ANP32E: variants seen among roughly 807,000 people sequenced by gnomAD.
ANP32E encodes acidic nuclear phosphoprotein 32 family member E.
Under a neutral mutation model 35.3 loss-of-function variants are expected in ANP32E, and 14 were observed. The ratio of observed to expected loss-of-function variants is 0.40; its 90% CI spans 0.26 to 0.62. The LOEUF (loss-of-function observed/expected upper bound fraction) is 0.62, where lower values mean the gene tolerates loss of function less well. Ranked by LOEUF, ANP32E falls within the 20% of genes least tolerant of loss-of-function variation. The probability of loss-of-function intolerance (pLI) is 0.45; values close to 1 mark genes in which losing one functional copy is unlikely to be tolerated. For synonymous variants in ANP32E, 89 were observed against 110.4 expected, an observed-to-expected ratio of 0.81 and a Z score of 1.22; for missense variants, 198 against 304.4, an observed-to-expected ratio of 0.65 and a Z score of 2.60.
rs587702970 is a variant in ANP32E at position 150,222,774 on chromosome 1, T to A, written c.736+412A>T. ...CCTGTTTCAAACAAACAAACAAAAA[T>A]ATATATATATATAAATTTTTAAAGG... On this transcript the variant is annotated intron_variant, in intron 6 of 6. Coordinates refer to ENST00000583931, the MANE Select transcript of ANP32E (RefSeq NM_030920.5). Among the ~76,000 whole-genome samples the A allele has an allele frequency of 7.4e-4, 111 of 150,706 alleles. 1 individual carries two copies. The highest frequency in any genetic ancestry group is 1.2e-3 in the South Asian group (6 of 4,804).
chr1:150,231,586 A>AAAAT (rs1298690493), intron 2 of ANP32E, among the ~76,000 whole-genome samples, 191 bp downstream of exon 2: 1 of 152,238 alleles, frequency 6.6e-6, no homozygotes, highest in Non-Finnish European at 1.5e-5. Flanking sequence ...CCCTGTCTCA[A>AAAAT]AAATAAATAA....
chr1:150,222,876 C>G (rs916731581), intron 6 of ANP32E, among the ~76,000 whole-genome samples: 1 of 151,986 alleles, frequency 6.6e-6, no homozygotes, highest in African/African-American at 2.4e-5. Flanking sequence ...AGGCTTCACT[C>G]TGTCCAAAAT....
At chr1:150,231,738 G>A (rs781863650) in intron 2 of ANP32E, 39 bp downstream of exon 2, 2 of 1,578,760 alleles carry the variant, frequency 1.3e-6, no homozygotes, top group South Asian at 2.3e-5. Flanking sequence ...TATAGCCGTG[G>A]CATTGAAATC....
chr1:150,223,052 A>G, intron 6 of ANP32E, 134 bp downstream of exon 6: 1 of 1,115,504 alleles, frequency 9.0e-7, no homozygotes, highest in East Asian at 2.6e-5. Context: ...TCTATGATAA[A>G]GCAAAATCAA....
intron 1 of ANP32E, among the ~76,000 whole-genome samples, chr1:150,232,334 A>T (rs1243513134): frequency 2.5e-5 from 1 of 39,280 alleles, no homozygotes; most frequent in Non-Finnish European, 4.3e-5. Flanking sequence ...ACAGAGGGAG[A>T]CTCCGTCTCA....
chr1:150,229,518 T>C (rs1649177825), intron 3 of ANP32E, among the ~76,000 whole-genome samples: 1 of 151,738 alleles, frequency 6.6e-6, no homozygotes, highest in Non-Finnish European at 1.5e-5. Context: ...TTGCTCTTGT[T>C]GCCCAGGCTG....
Position 150,229,300 on chromosome 1 carries a change from T to TTTC in ANP32E, c.328-64_328-63insGAA. 6.3e-5 allele frequency: 48 copies of TTTC among 764,198 alleles called. No homozygotes were observed. In the East Asian group the frequency reaches 1.2e-3, roughly 19 times the overall value. The allele number at this position is 764,198 out of a possible 1,614,324, so 47.3% of individuals were successfully genotyped here. A position where few individuals can be genotyped will look rare whatever the true frequency, so the allele number is the denominator to read the frequency against. On this transcript the variant is annotated intron_variant, in intron 3 of 6. Transcript: ENST00000583931. ...AAATACCATGTTATTTCTTTTTTCTTTTTTTTTTTTTTTTTTTGAGACGGA... is the reference window on the plus strand; with the variant it reads ...AAATACCATGTTATTTCTTTTTTCTTTTCTTTTTTTTTTTTTTTTTGAGACGGA...
intron 5 of ANP32E, among the ~76,000 whole-genome samples, chr1:150,223,770 A>C (rs1297730970): frequency 2.1e-5 from 3 of 141,776 alleles, no homozygotes; most frequent in Non-Finnish European, 3.0e-5. Flanking sequence ...TTTGAGACAG[A>C]GTTTCGCTCT....
chr1:150,219,253 A>G lies in ANP32E; in HGVS notation c.*1438T>C, dbSNP rs1312903711. Reference sequence around the variant, plus strand: ...AAATTTTAGATAGCCAAGATTTAAAAAGCCATTGCCTTGAACATGGAGCCT... The same window carrying G: ...AAATTTTAGATAGCCAAGATTTAAAGAGCCATTGCCTTGAACATGGAGCCT... On this transcript the variant is annotated 3_prime_UTR_variant, in exon 7 of 7. Coordinates refer to ENST00000583931, the MANE Select transcript of ANP32E (RefSeq NM_030920.5). 6.6e-6 allele frequency: 1 copy of G among 152,186 alleles called. No homozygotes were observed. Among genetic ancestry groups the G allele is most frequent in the Non-Finnish European group, 1.5e-5 (1 of 68,010 alleles). The allele number at this position is 152,186 out of a possible 1,614,324, so 9.4% of individuals were successfully genotyped here.
chr1:150,229,022 A>G (rs781954026), intron 4 of ANP32E, 50 bp downstream of exon 4: 1 of 1,526,064 alleles, frequency 6.6e-7, no homozygotes, highest in South Asian at 1.2e-5. Context: ...TTGCACAGCT[A>G]CAGCAGAGGC....
rs1204505585 is a variant in ANP32E at position 150,236,020 on chromosome 1, GCA to G, written c.-236_-235del. 2.1e-4 allele frequency: 114 copies of G among 545,378 alleles called. 1 individual carries two copies. The highest frequency in any genetic ancestry group is 1.7e-3 in the South Asian group (81 of 48,092). 33.8% of individuals were successfully genotyped at this position (545,378 alleles called of 1,614,324 possible). A position where few individuals can be genotyped will look rare whatever the true frequency, so the allele number is the denominator to read the frequency against. ...CCTCCTTGTCCACACACTAGCGCGCGCACACACACGCACGCACGCGCGCACAC... is the reference window on the plus strand; with the variant it reads ...CCTCCTTGTCCACACACTAGCGCGCGCACACACGCACGCACGCGCGCACAC... On this transcript the variant is annotated 5_prime_UTR_variant, in exon 1 of 7. It introduces an in-frame stop codon into an upstream open reading frame of the 5' UTR. Coordinates refer to ENST00000583931, the MANE Select transcript of ANP32E (RefSeq NM_030920.5).
At chr1:150,221,582 A>G (rs12145966) in intron 6 of ANP32E, among the ~76,000 whole-genome samples, 2 of 1,620 alleles carry the variant, frequency 1.2e-3, no homozygotes, top group Non-Finnish European at 3.2e-3. Context: ...GAGTGGGAGG[A>G]AGGGAGGGAG....
At chr1:150,227,668 A>T (rs1553840480) in intron 4 of ANP32E, among the ~76,000 whole-genome samples, 8 of 151,546 alleles carry the variant, frequency 5.3e-5, no homozygotes. Flanking sequence ...GGATCAGTAG[A>T]AGACCAAACC....
chr1:150,228,928 A>T, intron 4 of ANP32E, 144 bp downstream of exon 4: 1 of 654,564 alleles, frequency 1.5e-6, no homozygotes, highest in Non-Finnish European at 2.6e-6. Context: ...GGCTAGAGCT[A>T]TGGGTTTTTA....
Position 150,235,581 on chromosome 1 carries a change from A to C in ANP32E, c.54+152T>G. ...TTTAAGTAGAAGATTTTAATGATTT[A>C]AAACTTAAAATTAAACATTTCCCCA... On this transcript the variant is annotated intron_variant, in intron 1 of 6. Coordinates refer to ENST00000583931, the MANE Select transcript of ANP32E (RefSeq NM_030920.5). The surrounding 1 kb of genome is among the most constrained non-coding windows in gnomAD (Gnocchi z 4.2). The C allele has an allele frequency of 1.2e-6, 1 of 841,864 alleles. No individual in the cohort carries two copies. The highest frequency in any genetic ancestry group is 1.9e-5 in the South Asian group (1 of 52,170). The allele number at this position is 841,864 out of a possible 1,614,324, so 52.1% of individuals were successfully genotyped here.
chr1:150,229,875 G>C (rs587691481), intron 3 of ANP32E, among the ~76,000 whole-genome samples: 1 of 152,306 alleles, frequency 6.6e-6, no homozygotes, highest in African/African-American at 2.4e-5. Flanking sequence ...GCCTCCCAAA[G>C]TGCTGGGATT....
chr1:150,221,604 G>A (rs187135585), intron 6 of ANP32E, among the ~76,000 whole-genome samples: 1,610 of 36,894 alleles, frequency 0.044, 295 homozygotes, highest in African/African-American at 0.25. Flanking sequence ...GAGGGAGGGA[G>A]GGAAGGAAGG....
chr1:150,232,616 G>A lies in ANP32E; in HGVS notation c.55-690C>T, dbSNP rs1190289911. On this transcript the variant is annotated intron_variant, in intron 1 of 6. Coordinates refer to ENST00000583931, the MANE Select transcript of ANP32E (RefSeq NM_030920.5). ...CTCTGGAGTAGCTGGGATTACAGGC[G>A]TATGCCACCACTCCCGGCTAATTTT... Among the ~76,000 whole-genome samples, 7 of 151,270 alleles carry A rather than the reference G, an allele frequency of 4.6e-5. No individual in the cohort carries two copies. The East Asian group carries it at 8.0e-4, about 17-fold the overall frequency.
At position 150,223,170 on chromosome 1, in the gene ANP32E, G is replaced by A. The variant is rs1264222080; in HGVS notation, c.736+16C>T. On this transcript the variant is annotated intron_variant, in intron 6 of 6. Coordinates refer to ENST00000583931, the MANE Select transcript of ANP32E (RefSeq NM_030920.5). Reference sequence around the variant, plus strand: ...GTCTTTAATTTTATAATTTGTTTATGGCTAATGTAACTCACCCTCTTCTTC... The same window carrying A: ...GTCTTTAATTTTATAATTTGTTTATAGCTAATGTAACTCACCCTCTTCTTC... 1.3e-6 allele frequency: 2 copies of A among 1,496,168 alleles called. No individual in the cohort carries two copies. The highest frequency in any genetic ancestry group is 1.8e-6 in the Non-Finnish European group (2 of 1,098,326). 92.7% of individuals were successfully genotyped at this position (1,496,168 alleles called of 1,614,324 possible). A position where few individuals can be genotyped will look rare whatever the true frequency, so the allele number is the denominator to read the frequency against.
Sources: allele counts gnomAD v4.1 joint callset (sites outside exome capture counted in the v4.1 genomes callset), GRCh38; gene constraint gnomAD v4.1.1; non-coding constraint Gnocchi (gnomAD v3.1); transcripts MANE v1.5; gene names NCBI Gene and HGNC (gene_info 2026-07-23, HGNC 2026-07-21).